The following PLS3 variants were observed in gnomAD, a reference collection of about 807,000 sequenced individuals.
The protein encoded by PLS3 is plastin-3.
PLS3 carries 11 observed loss-of-function variants against 46.5 expected under a neutral mutation model. The observed-to-expected ratio is 0.24, with a 90% CI of 0.15 to 0.39. The LOEUF is 0.39. Ranked by LOEUF, PLS3 falls within the 10% of genes least tolerant of loss-of-function variation. The pLI is 1.00. For missense variants in PLS3, 308 were observed against 461.8 expected, an observed-to-expected ratio of 0.67 and a Z score of 3.05; for synonymous variants, 167 against 162.2, an observed-to-expected ratio of 1.03 and a Z score of -0.22.
chrX:115,601,436 A>G (rs2074442057), intron 1 of PLS3, among the ~76,000 whole-genome samples: 1 of 102,293 alleles, frequency 9.8e-6, no homozygotes, highest in African/African-American at 3.6e-5. Context: ...GCACTGGAGG[A>G]AGACAGAACA....
In PLS3 at chrX:115,578,521, C is replaced by G. The variant is rs782763297; in HGVS notation, c.-9+17261C>G. ...CAGGCGGATCACGAGGTTAGGAGATCGAGACCATCCTGGCTAACACGGTGA... is the reference window on the plus strand; with the variant it reads ...CAGGCGGATCACGAGGTTAGGAGATGGAGACCATCCTGGCTAACACGGTGA... On this transcript the variant is annotated intron_variant, in intron 1 of 15. Coordinates refer to ENST00000355899, the MANE Select transcript of PLS3 (RefSeq NM_005032.7). Among the ~76,000 whole-genome samples the G allele has an allele frequency of 1.5e-3, 162 of 108,591 alleles. 2 individuals are homozygous for G. Among genetic ancestry groups the G allele is most frequent in the African/African-American group, 5.2e-3 (154 of 29,825 alleles). The allele number at this position is 108,591 out of a possible 115,157, so 94.3% of individuals were successfully genotyped here.
intron 15 of PLS3, among the ~76,000 whole-genome samples, chrX:115,648,670 G>A (rs782662651): frequency 4.2e-4 from 47 of 111,528 alleles, no homozygotes; most frequent in African/African-American, 1.5e-3. Flanking sequence ...CAGCTAAGAA[G>A]CATTCCTGCA....
chrX:115,582,268 G>A (rs2074283504), intron 1 of PLS3, among the ~76,000 whole-genome samples: 1 of 111,790 alleles, frequency 8.9e-6, no homozygotes, highest in Non-Finnish European at 1.9e-5. Context: ...TCATGCATAG[G>A]TGACTTTTTG....
intron 7 of PLS3, among the ~76,000 whole-genome samples, chrX:115,635,970 G>A (rs782425138): frequency 1.6e-4 from 18 of 109,964 alleles, no homozygotes; most frequent in South Asian, 8.0e-4. Context: ...GCAGTGAGCC[G>A]AGATCACGCC....
rs1227057041 is a variant in PLS3, at chrX:115,622,238, T to C, written c.74-8T>C. The C allele has an allele frequency of 8.4e-7, 1 of 1,187,103 alleles. No homozygotes were observed. Among genetic ancestry groups the C allele is most frequent in the African/African-American group, 1.8e-5 (1 of 56,156 alleles). ...TTCCTTTTTTGCTTGCTCTCCTTTT[T>C]TACAAAGATCTCAACAGCAACGGAT... On this transcript the variant is annotated splice_polypyrimidine_tract_variant and splice_region_variant and intron_variant, in intron 2 of 15. Coordinates refer to ENST00000355899, the MANE Select transcript of PLS3 (RefSeq NM_005032.7).
intron 1 of PLS3, among the ~76,000 whole-genome samples, chrX:115,604,702 C>A (rs2074474587): frequency 9.0e-6 from 1 of 111,625 alleles, no homozygotes; most frequent in Non-Finnish European, 1.9e-5. Flanking sequence ...CTTTGTGAAC[C>A]CATCCGGGAT....
intron 7 of PLS3, among the ~76,000 whole-genome samples, chrX:115,636,407 C>T (rs1209587307): frequency 2.7e-5 from 3 of 110,591 alleles, no homozygotes; most frequent in African/African-American, 6.6e-5. Context: ...GGGGTTTCAG[C>T]GTGTTAGCCA....
intron 3 of PLS3, among the ~76,000 whole-genome samples, chrX:115,623,728 C>T (rs1274457580): frequency 9.0e-6 from 1 of 111,315 alleles, no homozygotes; most frequent in Non-Finnish European, 1.9e-5. Context: ...CTCCTATCCT[C>T]CTTTGTCATG....
intron 1 of PLS3, among the ~76,000 whole-genome samples, chrX:115,595,193 CTTTG>C (rs1467191922): frequency 2.1e-4 from 23 of 111,622 alleles, no homozygotes; most frequent in Non-Finnish European, 4.0e-4. Context: ...CAGATCTTAT[CTTTG>C]TTTATTAAGT....
intron 1 of PLS3, among the ~76,000 whole-genome samples, chrX:115,575,536 C>T (rs936369802): frequency 3.6e-5 from 4 of 111,873 alleles, no homozygotes; most frequent in East Asian, 2.8e-4. Context: ...CTCCGCCTCC[C>T]GGGTTCACGC....
chrX:115,634,795 G>C (rs1256755553), intron 6 of PLS3, 86 bp from the exon 7 acceptor site: 2 of 855,105 alleles, frequency 2.3e-6, no homozygotes, highest in Admixed American at 6.1e-5. Context: ...TTTCCTCATT[G>C]AATGTTATTT....
At chrX:115,607,904 C>G (rs1002431507) in intron 1 of PLS3, among the ~76,000 whole-genome samples, 10 of 111,826 alleles carry the variant, frequency 8.9e-5, no homozygotes, top group African/African-American at 2.6e-4. Flanking sequence ...TAAAACTTCT[C>G]CAGGATTTGA....
chrX:115,622,905 G>C (rs1332998442), intron 3 of PLS3, among the ~76,000 whole-genome samples: 1 of 111,594 alleles, frequency 9.0e-6, no homozygotes, highest in Non-Finnish European at 1.9e-5. Context: ...ATAATTAAAA[G>C]TTTGAAGCAT....
At chrX:115,624,337 C>A (rs1415317035) in intron 3 of PLS3, 1 of 109,619 alleles carries the variant, frequency 9.1e-6, no homozygotes, top group Admixed American at 9.8e-5. Context: ...TTTTTTGTCT[C>A]CAGTTATGGC....
chrX:115,612,067 A>G (rs781919701), intron 2 of PLS3, among the ~76,000 whole-genome samples: 233 of 111,484 alleles, frequency 2.1e-3, no homozygotes, highest in Non-Finnish European at 4.0e-3. Context: ...ATTCTTTTGT[A>G]GTCTCCACTC....
chrX:115,622,666 G>A (rs1228478851), intron 3 of PLS3, among the ~76,000 whole-genome samples: 2 of 111,262 alleles, frequency 1.8e-5, no homozygotes, highest in African/African-American at 3.3e-5. Context: ...TATATAAGGC[G>A]AACAGTCTCC....
chrX:115,606,673 T>A, intron 1 of PLS3, among the ~76,000 whole-genome samples: 1 of 111,280 alleles, frequency 9.0e-6, no homozygotes, highest in Admixed American at 9.7e-5. Context: ...TTCATGGAGA[T>A]GTGTAATAAT....
intron 3 of PLS3, among the ~76,000 whole-genome samples, chrX:115,627,328 A>G (rs2147528688): frequency 8.9e-6 from 1 of 112,511 alleles, no homozygotes; most frequent in African/African-American, 3.2e-5. Context: ...AGCACTCGTA[A>G]TAAGAAAAAT....
intron 10 of PLS3, 139 bp downstream of exon 10, chrX:115,643,647 G>A: frequency 2.3e-6 from 1 of 429,503 alleles, no homozygotes; most frequent in Non-Finnish European, 4.1e-6. Flanking sequence ...AAAACTGGCA[G>A]GAAAGTACGA....
Sources: allele counts gnomAD v4.1 joint callset (sites outside exome capture counted in the v4.1 genomes callset), GRCh38; gene constraint gnomAD v4.1.1; transcripts MANE v1.5; gene names NCBI Gene and HGNC (gene_info 2026-07-23, HGNC 2026-07-21).